Variants in TXNDC12 observed in about 807,000 individuals in gnomAD.
The protein encoded by TXNDC12 is thioredoxin domain containing 12.
TXNDC12 carries 22 observed loss-of-function variants against 24.2 expected under a neutral mutation model. That is an observed-to-expected ratio of 0.91 (90% CI 0.65 to 1.30). The LOEUF (loss-of-function observed/expected upper bound fraction) is 1.30, where lower values mean the gene tolerates loss of function less well. Among genes scored for constraint, TXNDC12 ranks in the 50% most tolerant of loss-of-function variants. The pLI, the probability that TXNDC12 is intolerant of heterozygous loss-of-function variation, is 0.00. For synonymous variants in TXNDC12, 58 were observed against 73.4 expected (o/e 0.79, Z 1.07); for missense variants, 184 against 205.8 (o/e 0.89, Z 0.65).
intron 1 of TXNDC12, among the ~76,000 whole-genome samples, chr1:52,051,389 T>A (rs1318490575): frequency 1.3e-5 from 2 of 152,196 alleles, no homozygotes; most frequent in African/African-American, 2.4e-5. Context: ...TTATTTATTT[T>A]TTTTGAGACA....
intron 1 of TXNDC12, chr1:52,051,788 T>TCGTC (rs1686210661): frequency 5.9e-6 from 1 of 169,316 alleles, no homozygotes; most frequent in African/African-American, 2.4e-5. Flanking sequence ...CACCAGGCCA[T>TCGTC]CGTCCGGAAA....
intron 1 of TXNDC12, among the ~76,000 whole-genome samples, chr1:52,049,818 G>A (rs541754217): frequency 9.9e-5 from 15 of 151,806 alleles, no homozygotes; most frequent in African/African-American, 1.9e-4. Flanking sequence ...GATTATAGGC[G>A]TGAGCCACTG....
intron 2 of TXNDC12, among the ~76,000 whole-genome samples, chr1:52,035,815 T>C (rs1188212569): frequency 6.6e-6 from 1 of 152,184 alleles, no homozygotes; most frequent in East Asian, 1.9e-4. Flanking sequence ...AAACTAAACC[T>C]ACTTGAGACT....
At chr1:52,027,471 C>G in intron 3 of TXNDC12, 123 bp from the exon 4 acceptor site, 1 of 741,692 alleles carries the variant, frequency 1.3e-6, no homozygotes, top group South Asian at 1.8e-5. Flanking sequence ...ATTCATATAA[C>G]AAACTTTTTT....
At chr1:52,050,702 C>G (rs1686184755) in intron 1 of TXNDC12, among the ~76,000 whole-genome samples, 1 of 152,232 alleles carries the variant, frequency 6.6e-6, no homozygotes, top group Admixed American at 6.5e-5. Context: ...CATTAGAATT[C>G]TTGTTCAGCC....
chr1:52,046,324 T>C (rs1686088449), intron 1 of TXNDC12, among the ~76,000 whole-genome samples: 1 of 152,120 alleles, frequency 6.6e-6, no homozygotes, highest in African/African-American at 2.4e-5. Context: ...CAAGAGATGA[T>C]AGTGGACTGG....
intron 1 of TXNDC12, among the ~76,000 whole-genome samples, chr1:52,049,025 T>C (rs1362944183): frequency 6.6e-6 from 1 of 152,202 alleles, no homozygotes; most frequent in Non-Finnish European, 1.5e-5. Flanking sequence ...TGGTAGTCAC[T>C]AGCCACATGT....
chr1:52,046,352 AG>A (rs35519018), intron 1 of TXNDC12, among the ~76,000 whole-genome samples: 3 of 152,152 alleles, frequency 2.0e-5, no homozygotes, highest in Admixed American at 2.0e-4. Context: ...GGGGTGGTAG[AG>A]GGGTAAGATA....
chr1:52,028,355 T>A (rs973908637), intron 3 of TXNDC12, among the ~76,000 whole-genome samples: 1 of 152,140 alleles, frequency 6.6e-6, no homozygotes, highest in Non-Finnish European at 1.5e-5. Context: ...TAGCACTTAA[T>A]CCCATACGTG....
intron 1 of TXNDC12, 63 bp from the exon 2 acceptor site, chr1:52,041,660 AGT>A: frequency 2.6e-6 from 3 of 1,155,702 alleles, no homozygotes; most frequent in Non-Finnish European, 3.8e-6. Flanking sequence ...CCAAGAAGGA[AGT>A]GTGCATGTTC....
intron 4 of TXNDC12, among the ~76,000 whole-genome samples, chr1:52,026,771 C>G (rs1003103061): frequency 6.6e-6 from 1 of 152,054 alleles, no homozygotes; most frequent in Non-Finnish European, 1.5e-5. Context: ...CGCGGTGGCT[C>G]ACATCTGTAA....
intron 4 of TXNDC12, among the ~76,000 whole-genome samples, chr1:52,025,012 T>C (rs1685652604): frequency 6.6e-6 from 1 of 152,234 alleles, no homozygotes; most frequent in African/African-American, 2.4e-5. Context: ...TGACATATTC[T>C]AAAATACTTA....
chr1:52,035,610 G>A (rs1685866381), intron 2 of TXNDC12, among the ~76,000 whole-genome samples: 1 of 152,146 alleles, frequency 6.6e-6, no homozygotes, highest in Non-Finnish European at 1.5e-5. Context: ...TACTGAGGAG[G>A]CTGAGGCAGG....
chr1:52,036,418 A>G (rs775994617), intron 2 of TXNDC12, among the ~76,000 whole-genome samples: 3 of 152,170 alleles, frequency 2.0e-5, no homozygotes, highest in Non-Finnish European at 2.9e-5. Context: ...AAAGGTCTTC[A>G]TCCTTGTCTT....
intron 1 of TXNDC12, among the ~76,000 whole-genome samples, chr1:52,048,473 TA>T (rs57230386): frequency 0.04 from 4,689 of 118,690 alleles, 106 homozygotes; most frequent in African/African-American, 0.084. Flanking sequence ...TTCTTTTCTT[TA>T]AAAAAAAAAA....
intron 1 of TXNDC12, among the ~76,000 whole-genome samples, chr1:52,047,372 A>G (rs2783184): frequency 0.99 from 150,704 of 152,286 alleles, 74,591 homozygotes; most frequent in Middle Eastern, 1. Context: ...AGCAAGGACT[A>G]TGGAAGAAGT....
chr1:52,028,706 AGAC>A lies in TXNDC12; in HGVS notation c.159-79_159-77del, dbSNP rs1685709586. 4.4e-6 allele frequency: 5 copies of A among 1,124,638 alleles called. No individual in the cohort carries two copies. The South Asian group carries it at 6.7e-5, about 15-fold the overall frequency. 69.7% of individuals were successfully genotyped at this position (1,124,638 alleles called of 1,614,324 possible). On this transcript the variant is annotated intron_variant, in intron 2 of 6. Transcript: ENST00000371626. Reference sequence around the variant, plus strand: ...TTTAATGATAAAGATTAATATGTGAAGACATTTCTGTAGTATTATTTCAATTGG... The same window carrying A: ...TTTAATGATAAAGATTAATATGTGAAATTTCTGTAGTATTATTTCAATTGG...
chr1:52,033,190 T>A, intron 2 of TXNDC12: 2 of 1,614,196 alleles, frequency 1.2e-6, no homozygotes, highest in Non-Finnish European at 1.7e-6. Context: ...TTTCTCTGAA[T>A]CCGGAGTCAC....
chr1:52,020,304 C>T lies in TXNDC12; in HGVS notation c.*629G>A, dbSNP rs2124353599. 1 of 395,198 alleles carries T rather than the reference C, an allele frequency of 2.5e-6. No individual in the cohort carries two copies. The highest frequency in any genetic ancestry group is 2.8e-5 in the South Asian group (1 of 35,722). The allele number at this position is 395,198 out of a possible 1,614,324, so 24.5% of individuals were successfully genotyped here. ...AGCATGCTTCCACCTGGAGCCGAGTCCAAGCACACAGCCAGTCCTGCACAC... is the reference window on the plus strand; with the variant it reads ...AGCATGCTTCCACCTGGAGCCGAGTTCAAGCACACAGCCAGTCCTGCACAC... On this transcript the variant is annotated 3_prime_UTR_variant, in exon 7 of 7. Transcript: ENST00000371626.
Sources: gnomAD v4.1 joint callset for allele counts (sites outside exome capture counted in the v4.1 genomes callset) on GRCh38, gnomAD v4.1.1 for gene constraint, MANE v1.5 for transcripts, NCBI Gene and HGNC (gene_info 2026-07-23, HGNC 2026-07-21) for gene names.